RANBP17: variants seen among roughly 807,000 people sequenced by gnomAD.
RANBP17 encodes the protein ran-binding protein 17.
RANBP17 carries 158 observed loss-of-function variants against 141.2 expected under a neutral mutation model. That is an observed-to-expected ratio of 1.12 (90% confidence interval 0.98 to 1.28). The LOEUF (loss-of-function observed/expected upper bound fraction) is 1.28. RANBP17 is among the 50% of genes most tolerant of loss of function. The pLI is 0.00. For synonymous variants in RANBP17, 430 were observed against 450.0 expected (o/e 0.96, Z 0.56); for missense variants, 1,438 against 1,290.7 (o/e 1.11, Z -1.75).
At chr5:171,089,799 GCCTCGC>G (rs1420222529) in intron 14 of RANBP17, among the ~76,000 whole-genome samples, 5 of 152,230 alleles carry the variant, frequency 3.3e-5, no homozygotes, top group Non-Finnish European at 4.4e-5. Flanking sequence ...GTGAGGCAAT[GCCTCGC>G]CCTGCTTAGG....
At chr5:171,073,361 A>G (rs1438251359) in intron 14 of RANBP17, among the ~76,000 whole-genome samples, 1 of 152,158 alleles carries the variant, frequency 6.6e-6, no homozygotes, top group Non-Finnish European at 1.5e-5. Flanking sequence ...ATTGAACTCT[A>G]GTTGGTAAAT....
At chr5:170,914,138 T>C (rs937897517) in intron 7 of RANBP17, 29 bp from the exon 8 acceptor site, 1 of 1,395,814 alleles carries the variant, frequency 7.2e-7, no homozygotes, top group Non-Finnish European at 1.0e-6. Flanking sequence ...TTGAAAGTAA[T>C]GGTGTTAGAA....
At chr5:171,057,099 T>C (rs545189557) in intron 14 of RANBP17, among the ~76,000 whole-genome samples, 1 of 152,280 alleles carries the variant, frequency 6.6e-6, no homozygotes, top group African/African-American at 2.4e-5. Context: ...TATAAACCTT[T>C]TATAGCCTTT....
At chr5:171,285,884 A>G (rs775008329) in intron 25 of RANBP17, among the ~76,000 whole-genome samples, 5 of 152,260 alleles carry the variant, frequency 3.3e-5, no homozygotes, top group East Asian at 1.9e-4. Context: ...GACACATTAC[A>G]TGCAGTACTC....
intron 11 of RANBP17, among the ~76,000 whole-genome samples, chr5:170,920,445 G>A (rs1290870127): frequency 6.6e-6 from 1 of 151,138 alleles, no homozygotes; most frequent in Non-Finnish European, 1.5e-5. Context: ...TTTACCATCT[G>A]TATGTATTCA....
Position 170,919,499 on chromosome 5 carries a change from T to C in RANBP17, c.1160T>C (p.Val387Ala), listed in dbSNP as rs1028326934. The C allele has an allele frequency of 9.3e-6, 15 of 1,611,070 alleles. No homozygotes were observed. In the African/African-American group the frequency reaches 2.0e-4, roughly 22 times the overall value. Residue 387 changes from valine (V) to alanine (A), a missense_variant, in exon 11 of 28, where the codon GTA (valine) becomes GCA (alanine). By Grantham distance (64) the Val-to-Ala change is moderately conservative. Transcript: ENST00000523189. ...HYLLTLWQRM[V>A]ASVPFVKSTE... ...TTATTAACTCTGTGGCAAAGGATGG[T>C]AGCATCTGTTCCTTTTGTGAAATCA...
chr5:171,022,365 G>A (rs924154411), intron 14 of RANBP17, among the ~76,000 whole-genome samples: 1 of 152,220 alleles, frequency 6.6e-6, no homozygotes, highest in Admixed American at 6.5e-5. Flanking sequence ...CATCTGGGCT[G>A]CCTGGATTCC....
At chr5:171,055,698 C>T (rs950266437) in intron 14 of RANBP17, among the ~76,000 whole-genome samples, 1 of 151,868 alleles carries the variant, frequency 6.6e-6, no homozygotes, top group Non-Finnish European at 1.5e-5. Flanking sequence ...TAGAAAGTGA[C>T]ATTCTGTACT....
At chr5:170,897,774 G>A (rs11134664) in intron 5 of RANBP17, among the ~76,000 whole-genome samples, 86,986 of 152,020 alleles carry the variant, frequency 0.57, 27,108 homozygotes, top group South Asian at 0.81. Context: ...ATTCCATGGT[G>A]TATATGTGGC....
chr5:171,202,758 A>T (rs1030282435), intron 19 of RANBP17, among the ~76,000 whole-genome samples: 1 of 152,206 alleles, frequency 6.6e-6, no homozygotes, highest in African/African-American at 2.4e-5. Context: ...TGTCTTCAGA[A>T]TTAAGAGTAT....
intron 1 of RANBP17, among the ~76,000 whole-genome samples, chr5:170,867,723 AAC>A (rs1767377959): frequency 6.6e-6 from 1 of 152,248 alleles, no homozygotes; most frequent in African/African-American, 2.4e-5. Context: ...CTGAAACAAA[AAC>A]ATTTATTCTC....
intron 14 of RANBP17, among the ~76,000 whole-genome samples, chr5:170,985,390 A>C (rs1778076750): frequency 6.6e-6 from 1 of 152,214 alleles, no homozygotes; most frequent in South Asian, 2.1e-4. Flanking sequence ...ATACTGATCA[A>C]GCATAGTATA....
intron 14 of RANBP17, among the ~76,000 whole-genome samples, chr5:171,139,332 C>T (rs1757537815): frequency 6.6e-6 from 1 of 152,084 alleles, no homozygotes; most frequent in Non-Finnish European, 1.5e-5. Flanking sequence ...CCATCTCTTC[C>T]CTACTCTACC....
chr5:171,099,554 A>G (rs545629805), intron 14 of RANBP17, among the ~76,000 whole-genome samples: 8 of 152,174 alleles, frequency 5.3e-5, no homozygotes, highest in Non-Finnish European at 1.0e-4. Flanking sequence ...GCAAACAAAG[A>G]TAATTTAACT....
At chr5:171,017,579 A>AT (rs1780536419) in intron 14 of RANBP17, among the ~76,000 whole-genome samples, 1 of 151,984 alleles carries the variant, frequency 6.6e-6, no homozygotes, top group African/African-American at 2.4e-5. Context: ...TTCATATCCT[A>AT]TGCCTACTTT....
At chr5:170,971,800 C>G (rs958931073) in intron 14 of RANBP17, among the ~76,000 whole-genome samples, 2 of 152,080 alleles carry the variant, frequency 1.3e-5, no homozygotes, top group Non-Finnish European at 2.9e-5. Flanking sequence ...TATGGAATTT[C>G]AAAAGTATTC....
chr5:171,201,098 AT>A (rs1435749993), intron 19 of RANBP17, among the ~76,000 whole-genome samples: 1 of 152,224 alleles, frequency 6.6e-6, no homozygotes, highest in Non-Finnish European at 1.5e-5. Flanking sequence ...TCATCTGAAG[AT>A]TTCATTATAT....
At chr5:170,911,493 T>G in intron 7 of RANBP17, 1 of 707,184 alleles carries the variant, frequency 1.4e-6, no homozygotes, top group Non-Finnish European at 2.7e-6. Context: ...GGTCAAACCT[T>G]TAAATCTTCA....
intron 14 of RANBP17, among the ~76,000 whole-genome samples, chr5:171,091,004 C>T (rs554869544): frequency 6.6e-6 from 1 of 152,326 alleles, no homozygotes; most frequent in East Asian, 1.9e-4. Context: ...AGAGCTCCCT[C>T]ACAGAGTCCC....
Sources: gnomAD v4.1 joint callset for allele counts (sites outside exome capture counted in the v4.1 genomes callset) on GRCh38, gnomAD v4.1.1 for gene constraint, MANE v1.5 for transcripts, NCBI Gene and HGNC (gene_info 2026-07-23, HGNC 2026-07-21) for gene names.